The following DCUN1D4 variants were observed in gnomAD, a reference collection of about 807,000 sequenced individuals.
The protein encoded by DCUN1D4 is DCN1-like protein 4.
A neutral mutation model predicts 47.9 loss-of-function variants in DCUN1D4; 22 were observed. That is an observed-to-expected ratio of 0.46 (90% CI 0.33 to 0.66). The LOEUF is 0.66. DCUN1D4 is among the 30% of genes least tolerant of loss of function. The pLI is 0.02. For synonymous variants in DCUN1D4, 121 were observed against 112.2 expected, an observed-to-expected ratio of 1.08 and a Z score of -0.50; for missense variants, 301 against 340.8, an observed-to-expected ratio of 0.88 and a Z score of 0.92.
At chr4:51,898,473 T>A (rs1461694897) in intron 7 of DCUN1D4, among the ~76,000 whole-genome samples, 1 of 152,182 alleles carries the variant, frequency 6.6e-6, no homozygotes, top group Non-Finnish European at 1.5e-5. Context: ...ACAATACACA[T>A]TGAGTGAAAT....
intron 8 of DCUN1D4, 132 bp from the exon 9 acceptor site, chr4:51,910,938 A>G: frequency 1.2e-6 from 1 of 824,862 alleles, no homozygotes. Context: ...CTTAGTCTGG[A>G]TGCAGGGTCT....
At chr4:51,834,579 G>A in the DCUN1D4 span, among the ~76,000 whole-genome samples, 1 of 152,152 alleles carries the variant, frequency 6.6e-6, no homozygotes, top group African/African-American at 2.4e-5. Context: ...CCTCAAGGAT[G>A]TTGTTCAAGC....
At chr4:51,878,441 T>A (rs559057392) in intron 5 of DCUN1D4, among the ~76,000 whole-genome samples, 2 of 152,314 alleles carry the variant, frequency 1.3e-5, no homozygotes, top group Admixed American at 1.3e-4. Context: ...TCTTTTATCT[T>A]TCTTCTTTCT....
intron 3 of DCUN1D4, among the ~76,000 whole-genome samples, chr4:51,872,104 G>A (rs138940212): frequency 6.6e-6 from 1 of 152,186 alleles, no homozygotes; most frequent in Non-Finnish European, 1.5e-5. Flanking sequence ...GAAGGAGCAG[G>A]CAGGATCCTT....
intron 1 of DCUN1D4, among the ~76,000 whole-genome samples, chr4:51,849,589 A>G (rs892319981): frequency 2.6e-5 from 4 of 152,158 alleles, no homozygotes; most frequent in African/African-American, 9.7e-5. Flanking sequence ...GAGGTGACCC[A>G]GAGGACTGGA....
chr4:51,842,712 G>A (rs541016568), upstream of DCUN1D4, among the ~76,000 whole-genome samples: 2 of 152,162 alleles, frequency 1.3e-5, no homozygotes, highest in Admixed American at 6.5e-5. Flanking sequence ...CAGCTGGTAC[G>A]AGCCGCCCCC....
chr4:51,906,318 G>A (rs1263568464), intron 8 of DCUN1D4, among the ~76,000 whole-genome samples: 1 of 152,096 alleles, frequency 6.6e-6, no homozygotes, highest in Non-Finnish European at 1.5e-5. Flanking sequence ...GTACCACAAT[G>A]GCCAAACCAG....
Position 51,905,217 on chromosome 4 carries a change from A to T in DCUN1D4, c.615+5839A>T, listed in dbSNP as rs1451362902. On this transcript the variant is annotated intron_variant, in intron 8 of 10. Coordinates refer to ENST00000334635, the MANE Select transcript of DCUN1D4 (RefSeq NM_001040402.3). ...TATATGATGCTTGAGAGCTGAAAGG[A>T]TCCTCAGAAGTCATCTGGTCCAGGC... 3 of 455,416 alleles carry T rather than the reference A, an allele frequency of 6.6e-6. No homozygotes were observed. In the East Asian group the frequency reaches 2.1e-4, roughly 32 times the overall value. The allele number at this position is 455,416 out of a possible 1,614,324, so 28.2% of individuals were successfully genotyped here.
At chr4:51,834,103 C>CTTTTTTTTTTTTTTTTTTTTTT in the DCUN1D4 span, among the ~76,000 whole-genome samples, 80 of 42,576 alleles carry the variant, frequency 1.9e-3, 8 homozygotes, top group African/African-American at 3.6e-3. Flanking sequence ...TTTCTTCTTT[C>CTTTTTTTTTTTTTTTTTTTTTT]TTTTTTTTTT....
intron 3 of DCUN1D4, among the ~76,000 whole-genome samples, chr4:51,870,442 G>GA (rs1406690203): frequency 1.2e-4 from 18 of 151,472 alleles, no homozygotes; most frequent in Non-Finnish European, 2.1e-4. Flanking sequence ...GACAAATGGG[G>GA]AAAAAATCTG....
chr4:51,839,708 C>A (rs1289615550), upstream of DCUN1D4, among the ~76,000 whole-genome samples: 1 of 152,178 alleles, frequency 6.6e-6, no homozygotes, highest in African/African-American at 2.4e-5. Flanking sequence ...TCCTCTCTGT[C>A]CTGTGTTCTT....
rs373577748 is a variant in DCUN1D4 at position 51,863,391 on chromosome 4, A to G, written c.26-46A>G. Reference sequence around the variant, plus strand: ...TATTTTCTGAGTTTGTTTTTTTACAATATTGGAAATAAATGACGCTGACAT... The same window carrying G: ...TATTTTCTGAGTTTGTTTTTTTACAGTATTGGAAATAAATGACGCTGACAT... On this transcript the variant is annotated intron_variant, in intron 1 of 10. Coordinates refer to ENST00000334635, the MANE Select transcript of DCUN1D4 (RefSeq NM_001040402.3). 5.0e-6 allele frequency: 7 copies of G among 1,404,544 alleles called. No homozygotes were observed. The African/African-American group carries it at 1.0e-4, about 20-fold the overall frequency. 87.0% of individuals were successfully genotyped at this position (1,404,544 alleles called of 1,614,324 possible).
upstream of DCUN1D4, among the ~76,000 whole-genome samples, chr4:51,840,809 G>A (rs1721613635): frequency 6.6e-6 from 1 of 152,174 alleles, no homozygotes; most frequent in African/African-American, 2.4e-5. Context: ...ATTATACTTT[G>A]TAAAACGTGG....
At chr4:51,867,330 T>C (rs1448806447) in intron 3 of DCUN1D4, among the ~76,000 whole-genome samples, 1 of 152,204 alleles carries the variant, frequency 6.6e-6, no homozygotes, top group Non-Finnish European at 1.5e-5. Flanking sequence ...CTCTTCTCTC[T>C]TCACCGCCCA....
intron 1 of DCUN1D4, among the ~76,000 whole-genome samples, chr4:51,861,301 G>T (rs909292561): frequency 2.6e-5 from 4 of 152,106 alleles, no homozygotes; most frequent in African/African-American, 9.7e-5. Flanking sequence ...TCTCTTGGGT[G>T]TAGGAAGGGC....
chr4:51,879,931 A>G (rs1577955239), intron 5 of DCUN1D4, among the ~76,000 whole-genome samples: 1 of 152,192 alleles, frequency 6.6e-6, no homozygotes, highest in East Asian at 1.9e-4. Flanking sequence ...TAGAAGGGTG[A>G]CATTTTGGAC....
upstream of DCUN1D4, among the ~76,000 whole-genome samples, chr4:51,841,352 A>G (rs1168266208): frequency 1.3e-5 from 2 of 152,222 alleles, no homozygotes; most frequent in Non-Finnish European, 2.9e-5. Flanking sequence ...AATAGAATAA[A>G]GAATGCAGGA....
At chr4:51,911,253 A>AT in intron 9 of DCUN1D4, 79 bp downstream of exon 9, 1 of 1,358,722 alleles carries the variant, frequency 7.4e-7, no homozygotes, top group Non-Finnish European at 1.0e-6. Flanking sequence ...GTTGTATGTA[A>AT]TTTTTTGTTT....
rs1731744312 is a variant in DCUN1D4, at chr4:51,899,289, C to T, written c.526C>T (p.Leu176Phe). The T allele has an allele frequency of 6.2e-7, 1 of 1,603,898 alleles. No individual in the cohort carries two copies. The highest frequency in any genetic ancestry group is 8.5e-7 in the Non-Finnish European group (1 of 1,176,834). Residue 176 changes from leucine (L) to phenylalanine (F), a missense_variant, in exon 8 of 11, where the codon CTC becomes TTC. Coordinates refer to ENST00000334635, the MANE Select transcript of DCUN1D4 (RefSeq NM_001040402.3). ...TSLQCDTTEK[L>F]RNTLDYLRSF... ...TTCTAGATGTGATACAACAGAAAAA[C>T]TCAGAAATACTTTGGATTACTTAAG...
Sources: allele counts gnomAD v4.1 joint callset (sites outside exome capture counted in the v4.1 genomes callset), GRCh38; gene constraint gnomAD v4.1.1; transcripts MANE v1.5; gene names NCBI Gene and HGNC (gene_info 2026-07-23, HGNC 2026-07-21).